ADAMTS13: variants seen among roughly 807,000 people sequenced by gnomAD.
ADAMTS13 encodes ADAM metallopeptidase with thrombospondin type 1 motif 13, also known as A disintegrin and metalloproteinase with thrombospondin motifs 13.
In ADAMTS13, 110 loss-of-function variants were observed where a neutral mutation model predicts 155.1. The observed-to-expected ratio is 0.71, with a 90% CI of 0.61 to 0.83. ADAMTS13 has a LOEUF of 0.83. Ranked by LOEUF, ADAMTS13 falls within the 40% of genes least tolerant of loss-of-function variation. The pLI, the probability that ADAMTS13 is intolerant of heterozygous loss-of-function variation, is 0.00. For missense variants in ADAMTS13, 1,707 were observed against 1,891.7 expected (o/e 0.90, Z 1.81); for synonymous variants, 758 against 756.4 (o/e 1.00, Z -0.03).
Position 133,459,322 on chromosome 9 carries a change from G to C in ADAMTS13, c.*142G>C. The C allele has an allele frequency of 2.3e-6, 2 of 881,416 alleles. No homozygotes were observed. Among genetic ancestry groups the C allele is most frequent in the Non-Finnish European group, 3.6e-6 (2 of 548,898 alleles). 54.6% of individuals were successfully genotyped at this position (881,416 alleles called of 1,614,324 possible). On this transcript the variant is annotated 3_prime_UTR_variant, in exon 29 of 29. Coordinates refer to ENST00000355699, the MANE Select transcript of ADAMTS13 (RefSeq NM_139027.6). The stretch of plus-strand genomic sequence containing the variant: ...ATGTCCAAAAGGCTAGGGGGTTGGA[G>C]GTGGGGACTCTGGAAAAGCAGCCCC...
chr9:133,425,720 C>T lies in ADAMTS13; in HGVS notation c.414+108C>T. 1 of 1,417,870 alleles carries T rather than the reference C, an allele frequency of 7.1e-7. No homozygotes were observed. The allele number at this position is 1,417,870 out of a possible 1,614,324, so 87.8% of individuals were successfully genotyped here. ...CCCGGATGCCCCAAGCAGCATGGAT[C>T]ACAGAATGCATTCAGCCAGACAGAC... On this transcript the variant is annotated intron_variant, in intron 4 of 28. Coordinates refer to ENST00000355699, the MANE Select transcript of ADAMTS13 (RefSeq NM_139027.6). The surrounding 1 kb of genome is among the most constrained non-coding windows in gnomAD (Gnocchi z 4.6).
intron 9 of ADAMTS13, 132 bp from the exon 10 acceptor site, chr9:133,433,246 G>A: frequency 8.1e-7 from 1 of 1,230,846 alleles, no homozygotes; most frequent in Non-Finnish European, 1.2e-6. Context: ...GTGTGTGTTT[G>A]GGGGTCGCTG....
chr9:133,426,451 G>A (rs1003125260), intron 6 of ADAMTS13, 106 bp downstream of exon 6: 90 of 1,471,618 alleles, frequency 6.1e-5, no homozygotes, highest in Non-Finnish European at 8.0e-5. Flanking sequence ...AGTTTCTCCA[G>A]AGGAGCCTGT....
At chr9:133,454,197 CAG>C (rs587616567) in intron 23 of ADAMTS13, among the ~76,000 whole-genome samples, 19 of 152,262 alleles carry the variant, frequency 1.2e-4, no homozygotes, top group African/African-American at 3.1e-4. Flanking sequence ...ATTAGGGAAA[CAG>C]GGGCCTCTTC....
At position 133,433,255 on chromosome 9, in the gene ADAMTS13, T is replaced by G. The variant is rs1040305892; in HGVS notation, c.1093-123T>G. On this transcript the variant is annotated intron_variant, in intron 9 of 28. Coordinates refer to ENST00000355699, the MANE Select transcript of ADAMTS13 (RefSeq NM_139027.6). Reference sequence around the variant, plus strand: ...TTCCTTGTGTGTGTTTGGGGGTCGCTGTGGGTGGGGTCCCTGTGTGTGTTG... The same window carrying G: ...TTCCTTGTGTGTGTTTGGGGGTCGCGGTGGGTGGGGTCCCTGTGTGTGTTG... 3.7e-6 allele frequency: 5 copies of G among 1,365,876 alleles called. No individual in the cohort carries two copies. In the Admixed American group the frequency reaches 8.4e-5, roughly 23 times the overall value. 84.6% of individuals were successfully genotyped at this position (1,365,876 alleles called of 1,614,324 possible).
chr9:133,426,256 C>T lies in ADAMTS13; in HGVS notation c.597C>T (p.Gly199=), dbSNP rs201048039. The change falls in exon 6 of 29, where the codon GGC becomes GGT. Residue 199 remains glycine, a synonymous_variant. Coordinates refer to ENST00000355699, the MANE Select transcript of ADAMTS13 (RefSeq NM_139027.6). ...AGGTGCGGGGCGTCACCCAGCTGGG[C>T]GGTGCCTGCTCCCCAACCTGGAGCT... The part of the protein sequence containing the change: ...NRQVRGVTQL[G]GACSPTWSCL... 95 of 1,612,670 alleles carry T rather than the reference C, an allele frequency of 5.9e-5. No individual in the cohort carries two copies. The highest frequency in any genetic ancestry group is 1.1e-4 in the South Asian group (10 of 91,082).
In ADAMTS13 at chr9:133,459,142, C is replaced by T. The variant is rs1842940436; in HGVS notation, c.4078C>T (p.Gln1360Ter). 1 of 1,612,546 alleles carries T rather than the reference C, an allele frequency of 6.2e-7. No individual in the cohort carries two copies. Among genetic ancestry groups the T allele is most frequent in the South Asian group, 1.1e-5 (1 of 90,930 alleles). ...WTLQSWVPEM[Q>*]DPQSWKGKEG... ...CCTCCAATCATGGGTACCGGAGATG[C>T]AGGACCCTCAGTCCTGGAAGGGAAA... is the stretch of plus-strand genomic sequence containing the variant. The change falls in exon 29 of 29, where the codon CAG becomes TAG. Residue 1360 changes from glutamine (Q) to a stop codon, truncating the protein, a stop_gained. Transcript: ENST00000355699. LOFTEE classifies it low-confidence loss of function (END_TRUNC).
chr9:133,445,716 A>G lies in ADAMTS13; in HGVS notation c.2628A>G (p.Ala876=). 6.2e-7 allele frequency: 1 copy of G among 1,612,918 alleles called. No individual in the cohort carries two copies. Among genetic ancestry groups the G allele is most frequent in the Non-Finnish European group, 8.5e-7 (1 of 1,179,752 alleles). The change falls in exon 21 of 29, where the codon GCA becomes GCG. Residue 876 remains alanine, a synonymous_variant. Coordinates refer to ENST00000355699, the MANE Select transcript of ADAMTS13 (RefSeq NM_139027.6). This position sits in a 1 kb window ranked among gnomAD's most constrained non-coding sequence, Gnocchi z 5.0. ...CCCCACAGCTGGATGCCACCTCTGC[A>G]GGGGAGAAGGCTCCCTCCCCATGGG... The part of the protein sequence containing the change: ...PGWGHLDATS[A]GEKAPSPWGS...
chr9:133,433,310 T>C, intron 9 of ADAMTS13, 68 bp from the exon 10 acceptor site: 1 of 1,595,180 alleles, frequency 6.3e-7, no homozygotes, highest in Non-Finnish European at 8.6e-7. Context: ...GGGGACTCTC[T>C]GTGTGTGTTG....
intron 23 of ADAMTS13, among the ~76,000 whole-genome samples, chr9:133,451,034 T>C (rs1842407140): frequency 6.6e-6 from 1 of 152,232 alleles, no homozygotes; most frequent in South Asian, 2.1e-4. Context: ...CAGAATCATG[T>C]TCAAGTCCGT....
In ADAMTS13 at chr9:133,452,402, C is replaced by G. The variant is rs36222281; in HGVS notation, c.3045-2013C>G. Among the ~76,000 whole-genome samples the G allele has an allele frequency of 7.7e-3, 1,175 of 152,142 alleles. 13 individuals are homozygous for G. The highest frequency in any genetic ancestry group is 0.027 in the African/African-American group (1,103 of 41,476). ...TTTTTTTTCTAGCTATTCTCTTGCC[C>G]ATACAAAATTGTTTTAAATGTTGTA... On this transcript the variant is annotated intron_variant, in intron 23 of 28. Transcript: ENST00000355699.
chr9:133,455,175 C>A, intron 24 of ADAMTS13, 110 bp from the exon 25 acceptor site: 2 of 1,263,784 alleles, frequency 1.6e-6, no homozygotes, highest in African/African-American at 1.5e-5. Flanking sequence ...ACTTAACTGC[C>A]TCCCAGCTTG....
intron 27 of ADAMTS13, among the ~76,000 whole-genome samples, chr9:133,457,694 T>C (rs1842827535): frequency 6.6e-6 from 1 of 152,250 alleles, no homozygotes; most frequent in African/African-American, 2.4e-5. Context: ...TTTCCTTCAG[T>C]TACAGAGGAG....
Position 133,422,460 on chromosome 9 carries a change from C to G in ADAMTS13, c.17C>G (p.Pro6Arg), listed in dbSNP as rs782717483. 1.5e-5 allele frequency: 24 copies of G among 1,613,832 alleles called. No homozygotes were observed. Among genetic ancestry groups the G allele is most frequent in the Non-Finnish European group, 1.7e-6 (2 of 1,180,036 alleles). The change falls in exon 1 of 29, where the codon CCC becomes CGC. Residue 6 changes from proline to arginine, a missense_variant. Pro to Arg is a moderately radical substitution (Grantham distance 103). Around this residue, in one of 3 missense-constraint regions of ADAMTS13, gnomAD observed 733 missense variants for 749.6 expected, o/e 0.98. Coordinates refer to ENST00000355699, the MANE Select transcript of ADAMTS13 (RefSeq NM_139027.6). ...CTCCTGAGGATGCACCAGCGTCACCCCCGGGCAAGATGCCCTCCCCTCTGT... is the reference window on the plus strand; with the variant it reads ...CTCCTGAGGATGCACCAGCGTCACCGCCGGGCAAGATGCCCTCCCCTCTGT... MHQRH[P>R]RARCPPLCVA...
chr9:133,431,224 C>G (rs587651828), intron 8 of ADAMTS13, among the ~76,000 whole-genome samples: 15 of 152,244 alleles, frequency 9.9e-5, no homozygotes, highest in African/African-American at 3.6e-4. Context: ...CTTGGCGTCC[C>G]AAAGCACTGG....
At chr9:133,430,467 T>C (rs1840668193) in intron 8 of ADAMTS13, among the ~76,000 whole-genome samples, 1 of 151,914 alleles carries the variant, frequency 6.6e-6, no homozygotes, top group African/African-American at 2.4e-5. Flanking sequence ...GCCTCTAAAC[T>C]GAACCCACAG....
At chr9:133,446,125 G>C (rs1842051809) in intron 21 of ADAMTS13, among the ~76,000 whole-genome samples, 1 of 152,180 alleles carries the variant, frequency 6.6e-6, no homozygotes, top group South Asian at 2.1e-4. Flanking sequence ...AGAAACCTTA[G>C]CTTTAAGATA....
intron 23 of ADAMTS13, among the ~76,000 whole-genome samples, chr9:133,450,196 G>T (rs962972133): frequency 6.6e-6 from 1 of 152,080 alleles, no homozygotes; most frequent in African/African-American, 2.4e-5. Context: ...GCTATGGAAG[G>T]CTGAAGCGGG....
At chr9:133,416,109 A>G (rs1346637393) in intron 1 of ADAMTS13, among the ~76,000 whole-genome samples, 1 of 152,254 alleles carries the variant, frequency 6.6e-6, no homozygotes, top group Non-Finnish European at 1.5e-5. Context: ...GCATGGTGCC[A>G]GCATCTGCTT....
Sources: gnomAD v4.1 joint callset for allele counts (sites outside exome capture counted in the v4.1 genomes callset) on GRCh38, gnomAD v4.1.1 for gene constraint, gnomAD v4.1.1 regional missense constraint, Gnocchi (gnomAD v3.1) non-coding constraint, MANE v1.5 for transcripts, NCBI Gene and HGNC (gene_info 2026-07-23, HGNC 2026-07-21) for gene names.